FGFR1: variants seen among roughly 807,000 people sequenced by gnomAD.
FGFR1 encodes the protein fibroblast growth factor receptor 1, also known as FGFR1/PLAG1 fusion.
A neutral mutation model predicts 93.7 loss-of-function variants in FGFR1; 18 were observed. That is an observed-to-expected ratio of 0.19 (90% CI 0.13 to 0.28). FGFR1 has a LOEUF of 0.28. Ranked by LOEUF, FGFR1 falls within the 10% of genes least tolerant of loss-of-function variation. FGFR1 has a pLI of 1.00. For synonymous variants in FGFR1, 448 were observed against 429.3 expected, an observed-to-expected ratio of 1.04 and a Z score of -0.54; for missense variants, 731 against 1,080.4, an observed-to-expected ratio of 0.68 and a Z score of 4.53.
intron 7 of FGFR1, chr8:38,422,323 GAC>G: frequency 2.2e-6 from 1 of 447,776 alleles, no homozygotes; most frequent in South Asian, 2.1e-5. Context: ...GGGGGCTGCA[GAC>G]ACACACATGC....
intron 5 of FGFR1, 61 bp downstream of exon 5, chr8:38,427,860 A>G (rs2150906439): frequency 6.3e-7 from 1 of 1,577,308 alleles, no homozygotes; most frequent in Non-Finnish European, 8.7e-7. Flanking sequence ...TGTAATCAGG[A>G]CTTCCTAACT....
At chr8:38,450,679 GAC>G (rs1830775452) in intron 2 of FGFR1, among the ~76,000 whole-genome samples, 1 of 152,190 alleles carries the variant, frequency 6.6e-6, no homozygotes, top group African/African-American at 2.4e-5. Flanking sequence ...TGGAAACCCT[GAC>G]AGAGTCTTTG....
In FGFR1 at chr8:38,429,893, G is replaced by T. The variant is rs1381400802; in HGVS notation, c.147C>A (p.Asp49Glu). Residue 49 changes from aspartate to glutamate, a missense_variant, in exon 3 of 18, where the codon GAC becomes GAA. Physicochemically the swap from Asp to Glu is conservative, Grantham distance 45 (BLOSUM62 2). Around this residue, in one of 10 missense-constraint regions of FGFR1, gnomAD observed 212 missense variants for 205.8 expected, o/e 1.03. Transcript: ENST00000447712. The surrounding 1 kb of genome is among the most constrained non-coding windows in gnomAD (Gnocchi z 4.4). ...GCAGCCGACAGCGAAGCTGCAGCAG[G>T]TCACCGGGGTGGACCAGGAAGGACT... ...EVESFLVHPG[D>E]LLQLRCRLRD... The T allele has an allele frequency of 6.2e-7, 1 of 1,613,944 alleles. No individual in the cohort carries two copies. The highest frequency in any genetic ancestry group is 2.2e-5 in the East Asian group (1 of 44,890).
At chr8:38,431,511 C>G (rs1010009568) in intron 2 of FGFR1, among the ~76,000 whole-genome samples, 1 of 152,196 alleles carries the variant, frequency 6.6e-6, no homozygotes, top group African/African-American at 2.4e-5. Context: ...TTCTACTCTC[C>G]CTTTTCTCTT....
In FGFR1 at chr8:38,412,092, G is replaced by A; in HGVS notation, c.*1536C>T. On this transcript the variant is annotated 3_prime_UTR_variant, in exon 18 of 18. Transcript: ENST00000447712. ...TGTTTTCCTTTTTGTTTTCTCTGTT[G>A]CCCAGGCTGGAGTGCAATGGCGCAA... The A allele has an allele frequency of 4.7e-6, 1 of 213,938 alleles. No individual in the cohort carries two copies. Among genetic ancestry groups the A allele is most frequent in the Non-Finnish European group, 9.4e-6 (1 of 105,936 alleles). The allele number at this position is 213,938 out of a possible 1,614,324, so 13.3% of individuals were successfully genotyped here.
At chr8:38,417,252 C>G in intron 12 of FGFR1, 54 bp downstream of exon 12, 1 of 1,407,164 alleles carries the variant, frequency 7.1e-7, no homozygotes, top group Non-Finnish European at 1.0e-6. Context: ...ACTGATACCC[C>G]AGCTCAGATC....
intron 2 of FGFR1, among the ~76,000 whole-genome samples, chr8:38,444,643 G>A (rs1171141999): frequency 6.8e-6 from 1 of 147,848 alleles, no homozygotes; most frequent in Non-Finnish European, 1.5e-5. Context: ...CCACCTGCCT[G>A]GGCCTCCAAA....
intron 1 of FGFR1, chr8:38,461,248 TC>T (rs2151429264): frequency 2.3e-6 from 2 of 884,888 alleles, no homozygotes; most frequent in Non-Finnish European, 3.4e-6. Flanking sequence ...CTTGAAGCTC[TC>T]CCACTTCTAA....
intron 2 of FGFR1, among the ~76,000 whole-genome samples, chr8:38,455,723 C>G (rs1223017728): frequency 1.3e-5 from 2 of 152,350 alleles, no homozygotes; most frequent in East Asian, 1.9e-4. Flanking sequence ...CATGCTGTCT[C>G]TGAACACTCA....
In FGFR1 at chr8:38,429,860, A is replaced by G. The variant is rs2150963304; in HGVS notation, c.180T>C (p.Asp60=). ...LLQLRCRLRD[D]VQSINWLRDG... is the part of the protein sequence containing the mutation. ...CCCGCAGCCAGTTGATGCTCTGCAC[A>G]TCGTCCCGCAGCCGACAGCGAAGCT... The change falls in exon 3 of 18, where the codon GAT becomes GAC. Residue 60 remains aspartate (D), a synonymous_variant. Coordinates refer to ENST00000447712, the MANE Select transcript of FGFR1 (RefSeq NM_023110.3). This position sits in a 1 kb window ranked among gnomAD's most constrained non-coding sequence, Gnocchi z 4.4. 2 of 1,614,000 alleles carry G rather than the reference A, an allele frequency of 1.2e-6. No individual in the cohort carries two copies. The highest frequency in any genetic ancestry group is 1.7e-6 in the Non-Finnish European group (2 of 1,179,986).
intron 3 of FGFR1, 167 bp from the exon 4 acceptor site, chr8:38,428,602 C>T: frequency 3.1e-6 from 2 of 647,114 alleles, no homozygotes; most frequent in Non-Finnish European, 5.6e-6. Flanking sequence ...AAGAACAGTT[C>T]CTGTGCGTGT....
At chr8:38,414,999 G>C in intron 13 of FGFR1, 98 bp from the exon 14 acceptor site, 1 of 950,050 alleles carries the variant, frequency 1.1e-6, no homozygotes, top group South Asian at 1.4e-5. Flanking sequence ...TTGTCTCATA[G>C]AACTTCTGCC....
intron 2 of FGFR1, among the ~76,000 whole-genome samples, chr8:38,436,821 C>T (rs1391837617): frequency 1.3e-5 from 2 of 152,160 alleles, no homozygotes; most frequent in Non-Finnish European, 2.9e-5. Flanking sequence ...CTGAATCCCT[C>T]TTCCCTTCCT....
intron 1 of FGFR1, among the ~76,000 whole-genome samples, chr8:38,460,513 C>T (rs1019499177): frequency 1.3e-5 from 2 of 152,150 alleles, no homozygotes; most frequent in African/African-American, 4.8e-5. Context: ...AAAAGCCTGC[C>T]GCCTCCTCCC....
chr8:38,448,073 C>T (rs181110053), intron 2 of FGFR1, among the ~76,000 whole-genome samples: 183 of 152,286 alleles, frequency 1.2e-3, no homozygotes, highest in Non-Finnish European at 2.1e-3. Flanking sequence ...ATGCTGATAT[C>T]AGTCACAAAA....
chr8:38,431,073 G>A (rs547599301), intron 2 of FGFR1, among the ~76,000 whole-genome samples: 6 of 152,320 alleles, frequency 3.9e-5, no homozygotes, highest in South Asian at 4.1e-4. Context: ...CAGCCTTGGA[G>A]AGGACTTTTC....
At chr8:38,440,378 A>G in intron 2 of FGFR1, 1 of 1,594,068 alleles carries the variant, frequency 6.3e-7, no homozygotes, top group Non-Finnish European at 8.5e-7. Context: ...GCCATCCTAC[A>G]AGGGTTTGGG....
Position 38,429,598 on chromosome 8 carries a change from GA to G in FGFR1, c.358+83del. 1 of 1,413,894 alleles carries G rather than the reference GA, an allele frequency of 7.1e-7. No homozygotes were observed. The highest frequency in any genetic ancestry group is 1.3e-5 in the South Asian group (1 of 77,616). The allele number at this position is 1,413,894 out of a possible 1,614,324, so 87.6% of individuals were successfully genotyped here. On this transcript the variant is annotated intron_variant, in intron 3 of 17. Coordinates refer to ENST00000447712, the MANE Select transcript of FGFR1 (RefSeq NM_023110.3). This position sits in a 1 kb window ranked among gnomAD's most constrained non-coding sequence, Gnocchi z 4.4. ...GTGGGGGCAGATCACGGAGGGGGAG[GA>G]GGTTCACCTTCCTCTGAAACTGGCA...
At chr8:38,448,065 G>A (rs553532939) in intron 2 of FGFR1, among the ~76,000 whole-genome samples, 2 of 152,282 alleles carry the variant, frequency 1.3e-5, no homozygotes, top group South Asian at 4.1e-4. Context: ...GGCTCTAAAT[G>A]CTGATATCAG....
Sources: allele counts gnomAD v4.1 joint callset (sites outside exome capture counted in the v4.1 genomes callset), GRCh38; gene constraint gnomAD v4.1.1; regional missense constraint gnomAD v4.1.1; non-coding constraint Gnocchi (gnomAD v3.1); transcripts MANE v1.5; gene names NCBI Gene and HGNC (gene_info 2026-07-23, HGNC 2026-07-21).